Variants in RGS6 observed in about 807,000 individuals in gnomAD.
The protein encoded by RGS6 is regulator of G-protein signaling 6.
A neutral mutation model predicts 78.5 loss-of-function variants in RGS6; 30 were observed. The observed-to-expected ratio is 0.38, with a 90% CI of 0.29 to 0.52. The LOEUF is 0.52. RGS6 is among the 20% of genes least tolerant of loss of function. The pLI is 0.85. For synonymous variants in RGS6, 206 were observed against 206.0 expected (o/e 1.00, Z 0.00); for missense variants, 495 against 609.7 (o/e 0.81, Z 1.98).
At chr14:72,550,625 G>C in intron 17 of RGS6, 2 of 1,527,638 alleles carry the variant, frequency 1.3e-6, no homozygotes, top group Non-Finnish European at 1.8e-6. Context: ...GTTAATACTA[G>C]AAGGTTCTGA....
intron 2 of RGS6, among the ~76,000 whole-genome samples, chr14:72,307,722 G>A (rs184961469): frequency 3.3e-5 from 5 of 152,092 alleles, no homozygotes; most frequent in Non-Finnish European, 7.4e-5. Flanking sequence ...TTTTCCAAAT[G>A]AACTTTAAAA....
At chr14:72,240,869 A>G (rs1474434516) in intron 2 of RGS6, among the ~76,000 whole-genome samples, 2 of 152,118 alleles carry the variant, frequency 1.3e-5, no homozygotes, top group Non-Finnish European at 2.9e-5. Context: ...AATTAAACTT[A>G]CGCCTTTGGC....
At chr14:71,930,167 GTCTA>G (rs10580760), upstream of RGS6, among the ~76,000 whole-genome samples, 42,420 of 151,702 alleles carry the variant, frequency 0.28, 6,522 homozygotes, top group Admixed American at 0.35. Context: ...ATATTTTTCT[GTCTA>G]TCTATCTATA....
At chr14:72,483,105 C>CT (rs892303588) in intron 12 of RGS6, among the ~76,000 whole-genome samples, 1 of 152,136 alleles carries the variant, frequency 6.6e-6, no homozygotes, top group African/African-American at 2.4e-5. Flanking sequence ...AAGGGAGTCC[C>CT]TTTTTTTATT....
At chr14:72,383,026 T>G (rs1371548917) in intron 3 of RGS6, among the ~76,000 whole-genome samples, 2 of 151,488 alleles carry the variant, frequency 1.3e-5, no homozygotes, top group Non-Finnish European at 3.0e-5. Context: ...GTTTTCTTCT[T>G]TTTACTGGGT....
the RGS6 span, chr14:72,619,824 G>T: frequency 7.5e-7 from 1 of 1,331,256 alleles, no homozygotes; most frequent in Non-Finnish European, 1.0e-6. Flanking sequence ...CATAAGGCCT[G>T]TACCATAGTG....
intron 2 of RGS6, among the ~76,000 whole-genome samples, chr14:72,297,430 T>TTATTA (rs1491549465): frequency 6.1e-5 from 7 of 114,324 alleles, no homozygotes; most frequent in African/African-American, 3.0e-4. Context: ...ATTATTATTA[T>TTATTA]TTTTTTTTTA....
chr14:72,381,992 CT>C (rs1259900592), intron 3 of RGS6, among the ~76,000 whole-genome samples: 1 of 151,896 alleles, frequency 6.6e-6, no homozygotes, highest in Non-Finnish European at 1.5e-5. Context: ...ATAAATGTTG[CT>C]GGGAAAACTG....
At chr14:72,067,129 C>T (rs1001519843) in intron 2 of RGS6, among the ~76,000 whole-genome samples, 9 of 152,114 alleles carry the variant, frequency 5.9e-5, no homozygotes, top group African/African-American at 2.2e-4. Context: ...CATACGTGTG[C>T]ATGTGTCTTT....
chr14:72,324,405 G>A (rs1355586025), intron 2 of RGS6, among the ~76,000 whole-genome samples: 3 of 151,874 alleles, frequency 2.0e-5, no homozygotes, highest in South Asian at 2.1e-4. Context: ...TGTGCACAAC[G>A]TGCATGTTTG....
chr14:72,523,265 C>T (rs988236962), intron 15 of RGS6, among the ~76,000 whole-genome samples: 1 of 152,124 alleles, frequency 6.6e-6, no homozygotes, highest in East Asian at 1.9e-4. Context: ...AAGTTCTAGT[C>T]CCTAGAGAAA....
intron 2 of RGS6, among the ~76,000 whole-genome samples, chr14:72,057,313 G>GA (rs71109718): frequency 0.025 from 1,427 of 56,022 alleles, 101 homozygotes; most frequent in African/African-American, 0.058. Context: ...GACTCTATCT[G>GA]AAAAAAAAAA....
At position 72,044,412 on chromosome 14, in the gene RGS6, G is replaced by T. The variant is rs115235865; in HGVS notation, c.84+79537G>T. ...CCCCAATATTGACAGGCACCATTCA[G>T]TCAGCTGAGGTCCCAGATACAACAA... On this transcript the variant is annotated intron_variant, in intron 2 of 17. Transcript: ENST00000553525. 2.6e-3 allele frequency among the ~76,000 whole-genome samples: 399 copies of T among 152,278 alleles called. 2 individuals are homozygous for T. The highest frequency in any genetic ancestry group is 9.1e-3 in the African/African-American group (378 of 41,548).
chr14:72,595,153 T>C, the RGS6 span: 18 of 152,188 alleles, frequency 1.2e-4, no homozygotes, highest in East Asian at 9.7e-4. Context: ...TACGGAAGAG[T>C]GGTAAACCCT....
chr14:72,259,051 C>A (rs1272826617), intron 2 of RGS6, among the ~76,000 whole-genome samples: 1 of 152,034 alleles, frequency 6.6e-6, no homozygotes. Flanking sequence ...AGAGAGACCA[C>A]CCTCAGGGGT....
At chr14:72,397,028 G>T (rs1596770079) in intron 3 of RGS6, among the ~76,000 whole-genome samples, 1 of 152,166 alleles carries the variant, frequency 6.6e-6, no homozygotes, top group Non-Finnish European at 1.5e-5. Flanking sequence ...GGCAATGCGG[G>T]CTCTTTTTTT....
At chr14:72,072,851 A>G (rs1567149024) in intron 2 of RGS6, among the ~76,000 whole-genome samples, 2 of 152,250 alleles carry the variant, frequency 1.3e-5, no homozygotes, top group South Asian at 2.1e-4. Flanking sequence ...TTATTAGAGC[A>G]ATAGGTATCG....
intron 13 of RGS6, among the ~76,000 whole-genome samples, chr14:72,509,625 C>T (rs1018490219): frequency 6.6e-6 from 1 of 152,182 alleles, no homozygotes; most frequent in Non-Finnish European, 1.5e-5. Flanking sequence ...TCAATAAGTG[C>T]ATGTAACATT....
intron 14 of RGS6, among the ~76,000 whole-genome samples, chr14:72,510,873 C>T (rs775767802): frequency 1.4e-4 from 22 of 152,160 alleles, no homozygotes; most frequent in Non-Finnish European, 2.6e-4. Flanking sequence ...AGTGAGAACA[C>T]CTGATTGTTC....
Sources: gnomAD v4.1 joint callset for allele counts (sites outside exome capture counted in the v4.1 genomes callset) on GRCh38, gnomAD v4.1.1 for gene constraint, MANE v1.5 for transcripts, NCBI Gene and HGNC (gene_info 2026-07-23, HGNC 2026-07-21) for gene names.